Variants in ARHGAP22 observed in about 807,000 individuals in gnomAD.
ARHGAP22 encodes Rho GTPase activating protein 22, also known as rho GTPase-activating protein 22.
ARHGAP22 carries 48 observed loss-of-function variants against 59.1 expected under a neutral mutation model. The observed-to-expected ratio is 0.81, with a 90% CI of 0.64 to 1.03. The LOEUF is 1.03. Ranked by LOEUF, ARHGAP22 falls within the 50% of genes least tolerant of loss-of-function variation. ARHGAP22 has a pLI of 0.00. For synonymous variants in ARHGAP22, 445 were observed against 416.4 expected, an observed-to-expected ratio of 1.07 and a Z score of -0.84; for missense variants, 1,015 against 958.7, an observed-to-expected ratio of 1.06 and a Z score of -0.78.
At chr10:48,490,256 C>G (rs2050257257) in intron 3 of ARHGAP22, among the ~76,000 whole-genome samples, 1 of 152,094 alleles carries the variant, frequency 6.6e-6, no homozygotes, top group Non-Finnish European at 1.5e-5. Context: ...CTTTTATTAT[C>G]ATATTTAAGT....
chr10:48,474,301 A>T (rs2048502231), intron 4 of ARHGAP22, among the ~76,000 whole-genome samples: 1 of 152,308 alleles, frequency 6.6e-6, no homozygotes, highest in African/African-American at 2.4e-5. Flanking sequence ...CTAATCTTGT[A>T]TCCTTCAACC....
In ARHGAP22 at chr10:48,584,074, C is replaced by G. The variant is rs1044728405; in HGVS notation, c.35-922G>C. Among the ~76,000 whole-genome samples the G allele has an allele frequency of 2.9e-4, 44 of 152,182 alleles. 1 individual carries two copies. Among genetic ancestry groups the G allele is most frequent in the Non-Finnish European group, 1.0e-4 (7 of 68,038 alleles). On this transcript the variant is annotated intron_variant, in intron 1 of 9. Coordinates refer to ENST00000249601, the MANE Select transcript of ARHGAP22 (RefSeq NM_021226.4). Reference sequence around the variant, plus strand: ...TCCTCTCTCTGGCCAGTGTCAAGGCCATTGCCACAGTGATCACTAGGAGGG... The same window carrying G: ...TCCTCTCTCTGGCCAGTGTCAAGGCGATTGCCACAGTGATCACTAGGAGGG...
intron 3 of ARHGAP22, among the ~76,000 whole-genome samples, chr10:48,553,148 G>A (rs1191936231): frequency 1.3e-5 from 2 of 152,230 alleles, no homozygotes; most frequent in South Asian, 2.1e-4. Context: ...CTTGGGCCCC[G>A]GGCAGCACTG....
At chr10:48,573,366 C>T (rs1380849464) in intron 2 of ARHGAP22, among the ~76,000 whole-genome samples, 2 of 152,140 alleles carry the variant, frequency 1.3e-5, no homozygotes, top group Non-Finnish European at 2.9e-5. Context: ...TCTCTAGTTA[C>T]CAGCTAGAAC....
intron 2 of ARHGAP22, among the ~76,000 whole-genome samples, chr10:48,569,334 G>A (rs1037593507): frequency 6.6e-6 from 1 of 152,186 alleles, no homozygotes; most frequent in Non-Finnish European, 1.5e-5. Context: ...CTTTAGCAAA[G>A]GCCACAGTCC....
At chr10:48,443,362 C>G (rs555407149), downstream of ARHGAP22, among the ~76,000 whole-genome samples, 56 of 152,306 alleles carry the variant, frequency 3.7e-4, 1 homozygote, top group South Asian at 7.7e-3. Flanking sequence ...GATAGGCCCT[C>G]AGAGTATCTG....
chr10:48,437,519 G>C, the ARHGAP22 span: 1 of 152,110 alleles, frequency 6.6e-6, no homozygotes, highest in Non-Finnish European at 1.5e-5. Context: ...TATCTTCATA[G>C]ATTCAGAAAG....
intron 3 of ARHGAP22, among the ~76,000 whole-genome samples, chr10:48,553,287 T>C (rs1590136075): frequency 6.6e-6 from 1 of 152,268 alleles, no homozygotes; most frequent in Non-Finnish European, 1.5e-5. Context: ...AGGGCAGAGA[T>C]GGGCAGCTCT....
intron 2 of ARHGAP22, among the ~76,000 whole-genome samples, chr10:48,558,354 T>TTTTTGTTTTGTTTTGTTTTG (rs777569383): frequency 1.3e-5 from 2 of 150,672 alleles, no homozygotes; most frequent in African/African-American, 4.9e-5. Flanking sequence ...TTTTTTTGTT[T>TTTTTGTTTTGTTTTGTTTTG]TTTTGTTTTG....
intron 3 of ARHGAP22, among the ~76,000 whole-genome samples, chr10:48,485,785 A>G (rs181822159): frequency 1.3e-5 from 2 of 152,170 alleles, no homozygotes; most frequent in African/African-American, 4.8e-5. Context: ...CTCTGGTCTG[A>G]AATCCTTGAT....
At chr10:48,564,168 T>C (rs2057895282) in intron 2 of ARHGAP22, among the ~76,000 whole-genome samples, 1 of 152,252 alleles carries the variant, frequency 6.6e-6, no homozygotes, top group Non-Finnish European at 1.5e-5. Context: ...TATTGAATTT[T>C]AAGAATTTGT....
At chr10:48,647,961 G>A (rs375078617) in intron 1 of ARHGAP22, among the ~76,000 whole-genome samples, 1 of 152,142 alleles carries the variant, frequency 6.6e-6, no homozygotes, top group Non-Finnish European at 1.5e-5. Context: ...TTATGCTTCC[G>A]TTTATAGAAA....
At position 48,451,820 on chromosome 10, in the gene ARHGAP22, A is replaced by T. The variant is rs2045992165; in HGVS notation, c.989-680T>A. On this transcript the variant is annotated intron_variant, in intron 8 of 9. Transcript: ENST00000249601. ...CTCCCGAAAATCCCACACACATAAA[A>T]TTACACACACAATGCACTCTACCCA... Among the ~76,000 whole-genome samples the T allele has an allele frequency of 6.0e-5, 9 of 150,754 alleles. 1 individual carries two copies. The highest frequency in any genetic ancestry group is 5.9e-4 in the Admixed American group (9 of 15,184).
At chr10:48,504,077 G>A (rs551095838) in intron 3 of ARHGAP22, among the ~76,000 whole-genome samples, 4 of 152,044 alleles carry the variant, frequency 2.6e-5, no homozygotes, top group African/African-American at 9.7e-5. Flanking sequence ...AGGAGGGAGA[G>A]CCCCACAGGG....
At chr10:48,634,033 A>G (rs542033858) in intron 1 of ARHGAP22, among the ~76,000 whole-genome samples, 68 of 152,274 alleles carry the variant, frequency 4.5e-4, no homozygotes, top group African/African-American at 1.5e-3. Context: ...GCTTGTTTCT[A>G]TGATAACTGG....
intron 1 of ARHGAP22, among the ~76,000 whole-genome samples, chr10:48,651,170 G>T (rs186559469): frequency 1.3e-4 from 20 of 152,270 alleles, no homozygotes; most frequent in African/African-American, 4.6e-4. Context: ...TCTGGAGGGG[G>T]AGCCTGGGAA....
At chr10:48,585,800 C>T (rs1429232045) in intron 1 of ARHGAP22, among the ~76,000 whole-genome samples, 5 of 152,116 alleles carry the variant, frequency 3.3e-5, no homozygotes, top group African/African-American at 1.2e-4. Flanking sequence ...GTGTTTTGGC[C>T]CAGAGAGGAA....
intron 4 of ARHGAP22, among the ~76,000 whole-genome samples, chr10:48,473,123 C>T (rs1310675766): frequency 1.3e-5 from 2 of 152,068 alleles, no homozygotes; most frequent in East Asian, 1.9e-4. Context: ...AATGGATAAA[C>T]AAATGTGGTA....
chr10:48,630,312 G>T (rs912449837), intron 1 of ARHGAP22, among the ~76,000 whole-genome samples: 2 of 152,040 alleles, frequency 1.3e-5, no homozygotes, highest in African/African-American at 2.4e-5. Context: ...GGATGTTCTC[G>T]ATCTCTTGAC....
Sources: allele counts gnomAD v4.1 joint callset (sites outside exome capture counted in the v4.1 genomes callset), GRCh38; gene constraint gnomAD v4.1.1; transcripts MANE v1.5; gene names NCBI Gene and HGNC (gene_info 2026-07-23, HGNC 2026-07-21).